SMCO2: variants seen among roughly 807,000 people sequenced by gnomAD.
SMCO2 encodes single-pass membrane protein with coiled-coil domains 2.
SMCO2 carries 25 observed loss-of-function variants against 29.5 expected under a neutral mutation model. The observed-to-expected ratio is 0.85, with a 90% confidence interval of 0.62 to 1.18. The LOEUF is 1.18. SMCO2 is among the 50% of genes most tolerant of loss of function. The pLI, the probability that SMCO2 is intolerant of heterozygous loss-of-function variation, is 0.00. For synonymous variants in SMCO2, 117 were observed against 123.3 expected, an observed-to-expected ratio of 0.95 and a Z score of 0.34; for missense variants, 348 against 344.5, an observed-to-expected ratio of 1.01 and a Z score of -0.08.
chr12:27,452,535 GC>G, the SMCO2 span, among the ~76,000 whole-genome samples: 2 of 152,136 alleles, frequency 1.3e-5, no homozygotes, highest in Non-Finnish European at 2.9e-5. Flanking sequence ...CATTTCCCAG[GC>G]TGGAGTGCAG....
intron 1 of SMCO2, among the ~76,000 whole-genome samples, chr12:27,467,254 A>C (rs564475788): frequency 2.6e-5 from 4 of 152,278 alleles, no homozygotes; most frequent in African/African-American, 9.6e-5. Flanking sequence ...AAGTTTTTAT[A>C]GGATATGGGG....
intron 6 of SMCO2, among the ~76,000 whole-genome samples, 163 bp downstream of exon 7, chr12:27,494,519 T>TA (rs1486758467): frequency 7.0e-6 from 1 of 142,164 alleles, no homozygotes; most frequent in Non-Finnish European, 1.5e-5. Flanking sequence ...TTATTATTAT[T>TA]ATTATACTTT....
chr12:27,472,551 T>C (rs944591555), intron 2 of SMCO2, among the ~76,000 whole-genome samples: 2 of 152,186 alleles, frequency 1.3e-5, no homozygotes, highest in Non-Finnish European at 2.9e-5. Context: ...TCACTGTTAA[T>C]TTATGGATTC....
chr12:27,482,721 T>C (rs548736290), intron 4 of SMCO2, among the ~76,000 whole-genome samples: 1 of 152,354 alleles, frequency 6.6e-6, no homozygotes, highest in South Asian at 2.1e-4. Flanking sequence ...TTTATGTTAC[T>C]TGACTCCTTT....
In SMCO2 at chr12:27,475,428, C is replaced by A. The variant is rs569159739; in HGVS notation, c.362+515C>A. Among the ~76,000 whole-genome samples the A allele has an allele frequency of 1.6e-4, 25 of 152,280 alleles. No individual in the cohort carries two copies. The South Asian group carries it at 3.1e-3, about 19-fold the overall frequency. On this transcript the variant is annotated intron_variant, in intron 4 of 7. Transcript: ENST00000298876. ...AGTGGATATCAAATAAATACCCAAA[C>A]TTCTTTTCTTGAGGCTTGTGTGCCC... is the stretch of plus-strand genomic sequence containing the variant.
At chr12:27,440,890 A>T in the SMCO2 span, among the ~76,000 whole-genome samples, 1 of 152,212 alleles carries the variant, frequency 6.6e-6, no homozygotes, top group Non-Finnish European at 1.5e-5. Flanking sequence ...GAAAACAAGC[A>T]ACAAAATGAC....
chr12:27,472,905 A>G (rs374171458), intron 3 of SMCO2, 30 bp downstream of exon 3: 753 of 1,449,916 alleles, frequency 5.2e-4, no homozygotes, highest in Non-Finnish European at 6.2e-4. Flanking sequence ...TAAGAGAGAC[A>G]CTTAAATGAC....
chr12:27,450,099 G>A, the SMCO2 span, among the ~76,000 whole-genome samples: 3 of 152,226 alleles, frequency 2.0e-5, no homozygotes, highest in Non-Finnish European at 4.4e-5. Flanking sequence ...CAGGAACACA[G>A]AGTTCTTCCC....
chr12:27,498,645 G>A (rs780486535), intron 7 of SMCO2: 6 of 160,790 alleles, frequency 3.7e-5, no homozygotes, highest in Non-Finnish European at 5.5e-5. Context: ...CACTAGCATT[G>A]TTTGCTTTTT....
At chr12:27,485,310 T>C (rs11049032) in intron 4 of SMCO2, among the ~76,000 whole-genome samples, 18,648 of 152,024 alleles carry the variant, frequency 0.12, 2,205 homozygotes, top group African/African-American at 0.29. Flanking sequence ...TTTTTTCTAT[T>C]TTTCATATCT....
intron 5 of SMCO2, among the ~76,000 whole-genome samples, chr12:27,489,499 C>T (rs576433413): frequency 6.6e-6 from 1 of 152,280 alleles, no homozygotes; most frequent in Non-Finnish European, 1.5e-5. Context: ...GTCTAACAAC[C>T]TCTTTTAACT....
chr12:27,490,405 G>A (rs1949725600), intron 5 of SMCO2, among the ~76,000 whole-genome samples: 1 of 152,156 alleles, frequency 6.6e-6, no homozygotes, highest in Non-Finnish European at 1.5e-5. Flanking sequence ...AAATTTAGGG[G>A]CTGATGGAAA....
chr12:27,431,745 A>G, the SMCO2 span, among the ~76,000 whole-genome samples: 2 of 152,112 alleles, frequency 1.3e-5, no homozygotes, highest in Admixed American at 6.5e-5. Context: ...CCTACTTTCA[A>G]TTCTTTGGAC....
chr12:27,496,623 G>A (rs1212211101), intron 7 of SMCO2, among the ~76,000 whole-genome samples: 1 of 150,630 alleles, frequency 6.6e-6, no homozygotes, highest in Non-Finnish European at 1.5e-5. Flanking sequence ...TACACCCTGA[G>A]AAGTAATTTC....
chr12:27,433,512 C>T, the SMCO2 span, among the ~76,000 whole-genome samples: 1 of 24,016 alleles, frequency 4.2e-5, no homozygotes, highest in African/African-American at 1.1e-4. Flanking sequence ...TGTATACACA[C>T]ACACACACAC....
upstream of SMCO2, among the ~76,000 whole-genome samples, chr12:27,466,004 G>A (rs1430920547): frequency 6.6e-6 from 1 of 152,174 alleles, no homozygotes; most frequent in Non-Finnish European, 1.5e-5. Flanking sequence ...AGGGAAATGT[G>A]AGCCTGGCAC....
chr12:27,462,555 A>G (rs1391127882), upstream of SMCO2, among the ~76,000 whole-genome samples: 1 of 152,152 alleles, frequency 6.6e-6, no homozygotes, highest in East Asian at 1.9e-4. Context: ...AGCTTTATGT[A>G]CAATAAAGCC....
chr12:27,454,491 C>T, the SMCO2 span, among the ~76,000 whole-genome samples: 1 of 152,134 alleles, frequency 6.6e-6, no homozygotes, highest in Non-Finnish European at 1.5e-5. Flanking sequence ...TCCATGTGAA[C>T]GTTTTACAAT....
At chr12:27,481,637 A>T (rs1228797214) in intron 4 of SMCO2, among the ~76,000 whole-genome samples, 3 of 152,180 alleles carry the variant, frequency 2.0e-5, no homozygotes, top group Admixed American at 6.5e-5. Flanking sequence ...TTAATTAAAA[A>T]TTTAATTTAT....
Sources: gnomAD v4.1 joint callset for allele counts (sites outside exome capture counted in the v4.1 genomes callset) on GRCh38, gnomAD v4.1.1 for gene constraint, MANE v1.5 for transcripts, NCBI Gene and HGNC (gene_info 2026-07-23, HGNC 2026-07-21) for gene names.